Variants in CCDC47 observed in about 807,000 individuals in gnomAD.
CCDC47 encodes the protein PAT complex subunit CCDC47.
Under a neutral mutation model 60.5 loss-of-function variants are expected in CCDC47, and 41 were observed. The observed-to-expected ratio is 0.68, with a 90% CI of 0.53 to 0.88. The LOEUF is 0.88. CCDC47 is among the 40% of genes least tolerant of loss of function. The pLI is 0.00. For missense variants in CCDC47, 513 were observed against 580.9 expected, an observed-to-expected ratio of 0.88 and a Z score of 1.20; for synonymous variants, 195 against 190.7, an observed-to-expected ratio of 1.02 and a Z score of -0.18.
intron 4 of CCDC47, among the ~76,000 whole-genome samples, chr17:63,763,451 G>A (rs148171097): frequency 1.7e-3 from 261 of 152,210 alleles, no homozygotes; most frequent in Admixed American, 3.1e-3. Flanking sequence ...CTTGAACCTG[G>A]GAGGTCGAGG....
At chr17:63,772,692 C>T (rs2144505318) in intron 1 of CCDC47, 1 of 152,284 alleles carries the variant, frequency 6.6e-6, no homozygotes, top group East Asian at 1.9e-4. Flanking sequence ...ATATTCACAC[C>T]ATAGAAACAC....
At chr17:63,751,741 C>G in intron 12 of CCDC47, 199 bp downstream of exon 12, 1 of 641,664 alleles carries the variant, frequency 1.6e-6, no homozygotes, top group Non-Finnish European at 2.8e-6. Context: ...TAATTTTTCA[C>G]GTTCACAGAC....
intron 8 of CCDC47, 100 bp from the exon 9 acceptor site, chr17:63,754,618 C>A: frequency 1.5e-6 from 1 of 683,716 alleles, no homozygotes. Flanking sequence ...ACGGCTCACA[C>A]CAGTAATCCC....
intron 4 of CCDC47, chr17:63,762,322 T>C: frequency 2.6e-6 from 2 of 767,024 alleles, no homozygotes; most frequent in Non-Finnish European, 3.2e-6. Flanking sequence ...GGTCAAAACA[T>C]ACTCTGAAAT....
intron 2 of CCDC47, chr17:63,765,499 C>T (rs2039291592): frequency 6.4e-6 from 1 of 157,076 alleles, no homozygotes; most frequent in Non-Finnish European, 1.4e-5. Context: ...CACCACCACG[C>T]CCAGCTAATT....
chr17:63,766,929 T>G (rs1051529405), intron 1 of CCDC47: 45 of 984,434 alleles, frequency 4.6e-5, no homozygotes, highest in Non-Finnish European at 5.3e-5. Flanking sequence ...ACCCTTAGAT[T>G]GATTTGTGTT....
chr17:63,757,966 G>A (rs1370161840), intron 6 of CCDC47, among the ~76,000 whole-genome samples: 6 of 152,132 alleles, frequency 3.9e-5, no homozygotes, highest in Non-Finnish European at 8.8e-5. Context: ...GTGAAAGAGA[G>A]GGAGGACGAA....
At chr17:63,771,367 A>G (rs1406126615) in intron 1 of CCDC47, among the ~76,000 whole-genome samples, 3 of 152,182 alleles carry the variant, frequency 2.0e-5, no homozygotes, top group African/African-American at 7.2e-5. Flanking sequence ...AAGGGACTTG[A>G]GTATCCATGG....
chr17:63,766,309 G>T, intron 1 of CCDC47, 115 bp from the exon 2 acceptor site: 1 of 961,408 alleles, frequency 1.0e-6, no homozygotes, highest in Non-Finnish European at 1.5e-6. Flanking sequence ...GGTACTATTA[G>T]ATTCAGACCA....
intron 10 of CCDC47, 79 bp from the exon 11 acceptor site, chr17:63,752,508 TAA>T: frequency 1.0e-6 from 1 of 976,848 alleles, no homozygotes; most frequent in Non-Finnish European, 1.5e-6. Flanking sequence ...TTTTTTTTTT[TAA>T]TCTTAAGAGA....
intron 1 of CCDC47, among the ~76,000 whole-genome samples, chr17:63,772,376 C>T (rs1407321512): frequency 6.6e-6 from 1 of 150,998 alleles, no homozygotes; most frequent in East Asian, 2.0e-4. Flanking sequence ...GCCTCAGCCT[C>T]CCAAGTAGCT....
chr17:63,754,542 T>C, intron 8 of CCDC47, 24 bp from the exon 9 acceptor site: 1 of 1,501,778 alleles, frequency 6.7e-7, no homozygotes, highest in East Asian at 2.3e-5. Flanking sequence ...AATAATATTT[T>C]TTAAAAGCAA....
intron 6 of CCDC47, among the ~76,000 whole-genome samples, chr17:63,758,415 T>C (rs2144483883): frequency 6.6e-6 from 1 of 152,210 alleles, no homozygotes; most frequent in East Asian, 1.9e-4. Context: ...GGCTCATGCC[T>C]GTAATCCCAG....
chr17:63,756,009 T>C (rs1047553876), intron 8 of CCDC47, among the ~76,000 whole-genome samples: 9 of 152,140 alleles, frequency 5.9e-5, no homozygotes, highest in Non-Finnish European at 2.9e-5. Context: ...TGAAAGTCAT[T>C]AGCAATCCCA....
At chr17:63,764,303 G>C (rs1181178017) in intron 3 of CCDC47, 113 bp from the exon 4 acceptor site, 5 of 765,978 alleles carry the variant, frequency 6.5e-6, no homozygotes, top group Non-Finnish European at 8.4e-6. Flanking sequence ...TCAGATATCT[G>C]TCATTGAATA....
At chr17:63,772,231 C>T (rs550738348) in intron 1 of CCDC47, among the ~76,000 whole-genome samples, 15 of 147,260 alleles carry the variant, frequency 1.0e-4, no homozygotes, top group African/African-American at 3.7e-4. Context: ...GTGGGTATTA[C>T]GGGAGATATG....
intron 6 of CCDC47, among the ~76,000 whole-genome samples, chr17:63,758,946 C>T (rs569090292): frequency 1.6e-4 from 24 of 147,746 alleles, no homozygotes; most frequent in Non-Finnish European, 2.6e-4. Flanking sequence ...TTTCTCTTAG[C>T]AGGAGGAGAG....
At chr17:63,755,411 G>A (rs2039197902) in intron 8 of CCDC47, 1 of 304,736 alleles carries the variant, frequency 3.3e-6, no homozygotes, top group Non-Finnish European at 4.7e-6. Flanking sequence ...CTTGAGGCCA[G>A]GAATTCCAGA....
chr17:63,763,056 C>A lies in CCDC47; in HGVS notation c.547+960G>T, dbSNP rs534690874. Among the ~76,000 whole-genome samples, 133 of 152,176 alleles carry A rather than the reference C, an allele frequency of 8.7e-4. 2 individuals carry two copies. The highest frequency in any genetic ancestry group is 3.1e-3 in the African/African-American group (129 of 41,518). ...CCTCATCCTCCCAAGTAGTTGGGAC[C>A]ACAGAAGCACACCACTGTGACTGGC... On this transcript the variant is annotated intron_variant, in intron 4 of 12. Coordinates refer to ENST00000225726, the MANE Select transcript of CCDC47 (RefSeq NM_020198.3).
Sources: gnomAD v4.1 joint callset for allele counts (sites outside exome capture counted in the v4.1 genomes callset) on GRCh38, gnomAD v4.1.1 for gene constraint, MANE v1.5 for transcripts, NCBI Gene and HGNC (gene_info 2026-07-23, HGNC 2026-07-21) for gene names.